Variants in KIF26B observed in about 807,000 individuals in gnomAD.
KIF26B encodes the protein kinesin-like protein KIF26B.
Under a neutral mutation model 151.2 loss-of-function variants are expected in KIF26B, and 63 were observed. The ratio of observed to expected loss-of-function variants is 0.42; its 90% CI spans 0.34 to 0.51. The LOEUF (loss-of-function observed/expected upper bound fraction) is 0.51, where lower values mean the gene tolerates loss of function less well. Ranked by LOEUF, KIF26B falls within the 20% of genes least tolerant of loss-of-function variation. The pLI, the probability that KIF26B is intolerant of heterozygous loss-of-function variation, is 0.07. For missense variants in KIF26B, 2,813 were observed against 2,913.6 expected (o/e 0.97, Z 0.79); for synonymous variants, 1,357 against 1,262.1 (o/e 1.08, Z -1.59).
intron 5 of KIF26B, among the ~76,000 whole-genome samples, chr1:245,548,759 TA>T (rs59371617): frequency 0.12 from 17,710 of 150,514 alleles, 1,280 homozygotes; most frequent in East Asian, 0.27. Flanking sequence ...TTTTTTTTTT[TA>T]AAAACAGGGT....
chr1:245,649,054 T>C (rs1357212325), intron 10 of KIF26B, among the ~76,000 whole-genome samples: 1 of 152,214 alleles, frequency 6.6e-6, no homozygotes, highest in Admixed American at 6.5e-5. Context: ...AGCGCTGTCC[T>C]TCCCAAAACA....
At chr1:245,652,864 A>G (rs1352469968) in intron 10 of KIF26B, among the ~76,000 whole-genome samples, 2 of 152,080 alleles carry the variant, frequency 1.3e-5, no homozygotes, top group African/African-American at 4.8e-5. Flanking sequence ...TTGTCTGTCC[A>G]CTGCAGCAGC....
intron 7 of KIF26B, among the ~76,000 whole-genome samples, chr1:245,608,235 A>T (rs2043478854): frequency 6.6e-6 from 1 of 152,204 alleles, no homozygotes; most frequent in African/African-American, 2.4e-5. Context: ...CTGGGAAAGG[A>T]GGCAGCAGAG....
chr1:245,457,145 C>A (rs1248268216), intron 4 of KIF26B, among the ~76,000 whole-genome samples: 1 of 152,140 alleles, frequency 6.6e-6, no homozygotes, highest in East Asian at 1.9e-4. Flanking sequence ...GGATTACAGG[C>A]ATGAGCCACT....
At chr1:245,380,343 C>T (rs1192053967) in intron 3 of KIF26B, among the ~76,000 whole-genome samples, 1 of 152,162 alleles carries the variant, frequency 6.6e-6, no homozygotes, top group Middle Eastern at 3.2e-3. Flanking sequence ...ACAGCAGCAG[C>T]CATGTCTATA....
intron 4 of KIF26B, among the ~76,000 whole-genome samples, chr1:245,444,243 T>C (rs1277416633): frequency 6.6e-6 from 1 of 152,194 alleles, no homozygotes; most frequent in African/African-American, 2.4e-5. Flanking sequence ...CTAGGATGGT[T>C]GCCGTGGGGA....
intron 2 of KIF26B, among the ~76,000 whole-genome samples, chr1:245,272,342 C>T (rs75549337): frequency 0.059 from 9,035 of 152,140 alleles, 300 homozygotes; most frequent in Middle Eastern, 0.071. Flanking sequence ...AGAAGGATCA[C>T]TTGAGCTCAG....
intron 2 of KIF26B, among the ~76,000 whole-genome samples, chr1:245,341,058 T>C (rs1672322657): frequency 1.3e-5 from 2 of 152,160 alleles, no homozygotes; most frequent in Non-Finnish European, 1.5e-5. Flanking sequence ...CCCATCCTCC[T>C]TTCCCAATCC....
intron 3 of KIF26B, among the ~76,000 whole-genome samples, chr1:245,406,807 A>G (rs112199220): frequency 0.024 from 3,643 of 152,070 alleles, 136 homozygotes; most frequent in African/African-American, 0.076. Flanking sequence ...TATTTTTTTG[A>G]GACAGAGTCT....
At chr1:245,177,706 G>C (rs949802478) in intron 2 of KIF26B, among the ~76,000 whole-genome samples, 2 of 151,522 alleles carry the variant, frequency 1.3e-5, no homozygotes, top group African/African-American at 4.9e-5. Context: ...CTTTCCCCCT[G>C]GCCTTCTGGT....
At chr1:245,696,758 G>T (rs1014192666) in intron 12 of KIF26B, among the ~76,000 whole-genome samples, 2 of 152,208 alleles carry the variant, frequency 1.3e-5, no homozygotes, top group Admixed American at 1.3e-4. Context: ...CCTGCACTTT[G>T]TTGGAAACTA....
In KIF26B at chr1:245,687,037, A is replaced by G. The variant is rs1264980617; in HGVS notation, c.4054A>G (p.Asn1352Asp). The G allele has an allele frequency of 6.2e-7, 1 of 1,613,278 alleles. No homozygotes were observed. Among genetic ancestry groups the G allele is most frequent in the Non-Finnish European group, 8.5e-7 (1 of 1,179,806 alleles). ...ILSEMGDDSF[N>D]KAAPIKGCKI... ...GTCTGAGATGGGAGATGACTCTTTC[A>G]ACAAAGCAGCCCCCATCAAAGGCTG... Residue 1352 changes from asparagine (N) to aspartate (D), a missense_variant, in exon 12 of 15, where the codon AAC becomes GAC. This residue lies in a region of KIF26B where 2,060 missense variants were observed against 2,088.6 expected (regional missense o/e 0.99). Transcript: ENST00000407071. The surrounding 1 kb of genome is among the most constrained non-coding windows in gnomAD (Gnocchi z 4.9).
intron 5 of KIF26B, among the ~76,000 whole-genome samples, chr1:245,547,997 GA>G (rs1661788488): frequency 6.6e-6 from 1 of 152,088 alleles, no homozygotes; most frequent in Admixed American, 6.5e-5. Flanking sequence ...CTACTTCTCT[GA>G]ACTTCCCCTG....
At chr1:245,677,116 T>G (rs1245922902) in intron 10 of KIF26B, among the ~76,000 whole-genome samples, 2 of 152,222 alleles carry the variant, frequency 1.3e-5, no homozygotes, top group Non-Finnish European at 2.9e-5. Flanking sequence ...TCAAGACCTC[T>G]GCCAACCAGC....
In KIF26B at chr1:245,612,011, C is replaced by A. The variant is rs372487449; in HGVS notation, c.2098+35C>A. 5 of 1,596,118 alleles carry A rather than the reference C, an allele frequency of 3.1e-6. No homozygotes were observed. The African/African-American group carries it at 4.0e-5, about 13-fold the overall frequency. On this transcript the variant is annotated intron_variant, in intron 9 of 14. Transcript: ENST00000407071. ...CCACTCCACCCTCCTGCCTCCTTAG[C>A]GGCTCTGGCCCCAGCCAGAAATCCC...
chr1:245,176,004 A>T (rs2103524999), intron 2 of KIF26B, among the ~76,000 whole-genome samples: 1 of 150,046 alleles, frequency 6.7e-6, no homozygotes, highest in African/African-American at 2.4e-5. Context: ...ATATATAGAT[A>T]TAGATATAGA....
At chr1:245,528,793 A>G (rs1038730688) in intron 4 of KIF26B, among the ~76,000 whole-genome samples, 3 of 152,202 alleles carry the variant, frequency 2.0e-5, no homozygotes, top group African/African-American at 7.2e-5. Context: ...GGCTTAGAGC[A>G]AGTCGCCACC....
At chr1:245,638,774 G>T (rs1044167302) in intron 9 of KIF26B, among the ~76,000 whole-genome samples, 1 of 151,790 alleles carries the variant, frequency 6.6e-6, no homozygotes, top group African/African-American at 2.4e-5. Flanking sequence ...GTTGATGTGT[G>T]ATGTATTAAA....
intron 9 of KIF26B, among the ~76,000 whole-genome samples, chr1:245,619,495 G>A (rs536024804): frequency 4.6e-5 from 7 of 152,208 alleles, no homozygotes; most frequent in Non-Finnish European, 1.0e-4. Flanking sequence ...CTACTTGGGA[G>A]GCTGAGGCAG....
Sources: gnomAD v4.1 joint callset for allele counts (sites outside exome capture counted in the v4.1 genomes callset) on GRCh38, gnomAD v4.1.1 for gene constraint, gnomAD v4.1.1 regional missense constraint, Gnocchi (gnomAD v3.1) non-coding constraint, MANE v1.5 for transcripts, NCBI Gene and HGNC (gene_info 2026-07-23, HGNC 2026-07-21) for gene names.